GOLPH3: variants seen among roughly 807,000 people sequenced by gnomAD.
GOLPH3 encodes the protein golgi phosphoprotein 3, also known as coat protein GPP34.
GOLPH3 carries 14 observed loss-of-function variants against 28.5 expected under a neutral mutation model. The observed-to-expected ratio is 0.49, with a 90% CI of 0.32 to 0.77. GOLPH3 has a LOEUF of 0.77. GOLPH3 is among the 30% of genes least tolerant of loss of function. The probability of loss-of-function intolerance (pLI) is 0.03; values close to 1 mark genes in which losing one functional copy is unlikely to be tolerated. For synonymous variants in GOLPH3, 158 were observed against 159.2 expected (o/e 0.99, Z 0.06); for missense variants, 350 against 393.7 (o/e 0.89, Z 0.94).
At chr5:32,161,066 CAAAAAAAAAAAA>C (rs34874287) in intron 1 of GOLPH3, among the ~76,000 whole-genome samples, 83 of 60,052 alleles carry the variant, frequency 1.4e-3, no homozygotes, top group Non-Finnish European at 1.9e-3. Flanking sequence ...GACTCCGTCT[CAAAAAAAAAAAA>C]AAAAAAAAAA....
At chr5:32,158,137 ACAC>A (rs1561679323) in intron 1 of GOLPH3, among the ~76,000 whole-genome samples, 1 of 66,060 alleles carries the variant, frequency 1.5e-5, no homozygotes, top group African/African-American at 5.3e-5. Flanking sequence ...TAAAATACAC[ACAC>A]ACACACACAC....
chr5:32,162,866 CAGG>C (rs1489887112), intron 1 of GOLPH3, among the ~76,000 whole-genome samples: 1 of 152,152 alleles, frequency 6.6e-6, no homozygotes, highest in Non-Finnish European at 1.5e-5. Flanking sequence ...ATCACGAGGT[CAGG>C]AGATCAAGAT....
At chr5:32,173,767 GGCCCCGCGCCGCC>G in intron 1 of GOLPH3, 30 bp downstream of exon 1, 2 of 1,292,316 alleles carry the variant, frequency 1.5e-6, no homozygotes, top group Non-Finnish European at 2.0e-6. Context: ...CTGGCGCCCG[GGCCCCGCGCCGCC>G]GCCCCCCGCC....
rs199570635 is a variant in GOLPH3, at chr5:32,171,599, CT to C, written c.225+2210del. Among the ~76,000 whole-genome samples the C allele has an allele frequency of 4.7e-5, 7 of 149,514 alleles. No homozygotes were observed. The South Asian group carries it at 6.4e-4, about 14-fold the overall frequency. ...AGGAATATGTTTTAATTTTGCTTTTCTTTTTTTTTGTATTTTCTAAAATGTC... is the reference window on the plus strand; with the variant it reads ...AGGAATATGTTTTAATTTTGCTTTTCTTTTTTTTGTATTTTCTAAAATGTC... On this transcript the variant is annotated intron_variant, in intron 1 of 3. Transcript: ENST00000265070.
intron 1 of GOLPH3, among the ~76,000 whole-genome samples, chr5:32,172,099 G>C (rs1746849184): frequency 6.6e-6 from 1 of 152,144 alleles, no homozygotes; most frequent in Non-Finnish European, 1.5e-5. Flanking sequence ...CATACAGCCT[G>C]CTTTATCATC....
intron 1 of GOLPH3, among the ~76,000 whole-genome samples, chr5:32,169,956 A>G (rs1277568926): frequency 6.6e-6 from 1 of 151,696 alleles, no homozygotes; most frequent in African/African-American, 2.4e-5. Context: ...TGAAATGTGT[A>G]AAGAAAAAAA....
At chr5:32,142,485 C>T (rs1481292471) in intron 2 of GOLPH3, among the ~76,000 whole-genome samples, 15 of 149,736 alleles carry the variant, frequency 1.0e-4, no homozygotes, top group African/African-American at 3.7e-4. Flanking sequence ...GGGGGTCAGC[C>T]CCCCACCCAG....
At chr5:32,156,129 G>A (rs898533599) in intron 1 of GOLPH3, among the ~76,000 whole-genome samples, 1 of 152,028 alleles carries the variant, frequency 6.6e-6, no homozygotes, top group Non-Finnish European at 1.5e-5. Flanking sequence ...GATGCAATGA[G>A]AAGACAACCA....
At position 32,173,791 on chromosome 5, in the gene GOLPH3, C is replaced by T; in HGVS notation, c.225+19G>A. On this transcript the variant is annotated intron_variant, in intron 1 of 3. Transcript: ENST00000265070. Reference sequence around the variant, plus strand: ...GGGCCCCGCGCCGCCGCCCCCCGCCCAGCCCGCCGCGCCCGCACCTCGCGG... The same window carrying T: ...GGGCCCCGCGCCGCCGCCCCCCGCCTAGCCCGCCGCGCCCGCACCTCGCGG... The T allele has an allele frequency of 2.2e-6, 3 of 1,364,054 alleles. No homozygotes were observed. Among genetic ancestry groups the T allele is most frequent in the South Asian group, 1.8e-5 (1 of 54,738 alleles). 84.5% of individuals were successfully genotyped at this position (1,364,054 alleles called of 1,614,324 possible). A position where few individuals can be genotyped will look rare whatever the true frequency, so the allele number is the denominator to read the frequency against.
intron 1 of GOLPH3, among the ~76,000 whole-genome samples, chr5:32,158,021 A>AAT (rs1554049234): frequency 6.1e-5 from 1 of 16,446 alleles, no homozygotes; most frequent in East Asian, 1.3e-3. Context: ...AAATAAATAA[A>AAT]ATACACACAC....
intron 3 of GOLPH3, among the ~76,000 whole-genome samples, chr5:32,133,139 T>A (rs1745861652): frequency 6.6e-6 from 1 of 152,250 alleles, no homozygotes; most frequent in Non-Finnish European, 1.5e-5. Context: ...AAATCCTAAC[T>A]GTGTTTACAT....
At chr5:32,161,271 C>T (rs750709294) in intron 1 of GOLPH3, among the ~76,000 whole-genome samples, 8 of 150,030 alleles carry the variant, frequency 5.3e-5, no homozygotes, top group Non-Finnish European at 1.0e-4. Flanking sequence ...GGTATAGTGG[C>T]GCACGCCTGT....
chr5:32,144,164 T>C (rs1295274095), intron 1 of GOLPH3, among the ~76,000 whole-genome samples: 1 of 152,186 alleles, frequency 6.6e-6, no homozygotes, highest in African/African-American at 2.4e-5. Context: ...GTTTATTAGG[T>C]TCTTTCAGAA....
rs146374624 is a variant in GOLPH3, at chr5:32,133,870, GA to G, written c.472+1701del. 1.8e-3 allele frequency among the ~76,000 whole-genome samples: 279 copies of G among 152,260 alleles called. 3 individuals are homozygous for G. The East Asian group carries it at 0.028, about 15-fold the overall frequency. On this transcript the variant is annotated intron_variant, in intron 3 of 3. Coordinates refer to ENST00000265070, the MANE Select transcript of GOLPH3 (RefSeq NM_022130.4). The stretch of plus-strand genomic sequence containing the variant: ...ACAACTCTAATAAGCATAAAGGGGG[GA>G]AAGTATAAGTCAGAGTTACTCTCAA...
intron 1 of GOLPH3, among the ~76,000 whole-genome samples, chr5:32,164,596 C>T (rs1746665411): frequency 6.6e-6 from 1 of 151,970 alleles, no homozygotes; most frequent in Admixed American, 6.6e-5. Flanking sequence ...CAGGCTTTCA[C>T]CATGTTAGCC....
rs1018312170 is a variant in GOLPH3, at chr5:32,138,401, T to C, written c.358-2715A>G. On this transcript the variant is annotated intron_variant, in intron 2 of 3. Coordinates refer to ENST00000265070, the MANE Select transcript of GOLPH3 (RefSeq NM_022130.4). ...CAATTTTATTTTATTTTATTATTATTATACTTTAAGTTTTAGGGTACATGT... is the reference window on the plus strand; with the variant it reads ...CAATTTTATTTTATTTTATTATTATCATACTTTAAGTTTTAGGGTACATGT... Among the ~76,000 whole-genome samples, 26 of 152,292 alleles carry C rather than the reference T, an allele frequency of 1.7e-4. No homozygotes were observed. The East Asian group carries it at 4.8e-3, about 28-fold the overall frequency.
intron 2 of GOLPH3, among the ~76,000 whole-genome samples, chr5:32,139,604 T>A (rs1746012346): frequency 6.6e-6 from 1 of 152,248 alleles, no homozygotes; most frequent in Non-Finnish European, 1.5e-5. Context: ...GAGTTAGTTC[T>A]AAATTCCTTT....
intron 3 of GOLPH3, 84 bp downstream of exon 3, chr5:32,135,488 T>C (rs145583939): frequency 2.5e-6 from 2 of 808,708 alleles, no homozygotes; most frequent in East Asian, 5.0e-5. Context: ...TTCTGGCTAT[T>C]TTGTGTAGGT....
intron 1 of GOLPH3, among the ~76,000 whole-genome samples, chr5:32,158,021 A>C (rs368891647): frequency 0.017 from 282 of 16,390 alleles, 20 homozygotes; most frequent in African/African-American, 0.036. Context: ...AAATAAATAA[A>C]ATACACACAC....
Sources: allele counts gnomAD v4.1 joint callset (sites outside exome capture counted in the v4.1 genomes callset), GRCh38; gene constraint gnomAD v4.1.1; transcripts MANE v1.5; gene names NCBI Gene and HGNC (gene_info 2026-07-23, HGNC 2026-07-21).